The following KIRREL3 variants were observed in gnomAD, a reference collection of about 807,000 sequenced individuals.
The protein encoded by KIRREL3 is kin of IRRE-like protein 3.
In KIRREL3, 36 loss-of-function variants were observed where a neutral mutation model predicts 89.7. The observed-to-expected ratio is 0.40, with a 90% CI of 0.31 to 0.53. The LOEUF (loss-of-function observed/expected upper bound fraction) is 0.53. Ranked by LOEUF, KIRREL3 falls within the 20% of genes least tolerant of loss-of-function variation. KIRREL3 has a pLI of 0.49. For missense variants in KIRREL3, 864 were observed against 1,056.6 expected, an observed-to-expected ratio of 0.82 and a Z score of 2.53; for synonymous variants, 445 against 441.4, an observed-to-expected ratio of 1.01 and a Z score of -0.10.
At chr11:126,820,530 C>T (rs1264770538) in intron 1 of KIRREL3, among the ~76,000 whole-genome samples, 1 of 152,110 alleles carries the variant, frequency 6.6e-6, no homozygotes, top group Non-Finnish European at 1.5e-5. Context: ...AGAATACAAA[C>T]ACACGATAAG....
At position 126,495,136 on chromosome 11, in the gene KIRREL3, G is replaced by A. The variant is rs1358697021; in HGVS notation, c.434-21670C>T. ...CCAAGGTCTGTTGCTCGGACCCTGG[G>A]CTGTGCTGTGTGTGGGGAAGGACTA... On this transcript the variant is annotated intron_variant, in intron 4 of 16. Coordinates refer to ENST00000525144, the MANE Select transcript of KIRREL3 (RefSeq NM_032531.4). This position sits in a 1 kb window ranked among gnomAD's most constrained non-coding sequence, Gnocchi z 6.5. Among the ~76,000 whole-genome samples, 1 of 152,212 alleles carries A rather than the reference G, an allele frequency of 6.6e-6. No individual in the cohort carries two copies. The highest frequency in any genetic ancestry group is 1.5e-5 in the Non-Finnish European group (1 of 68,030).
At position 126,474,449 on chromosome 11, in the gene KIRREL3, G is replaced by T. The variant is rs935543453; in HGVS notation, c.434-983C>A. Among the ~76,000 whole-genome samples the T allele has an allele frequency of 6.6e-6, 1 of 152,196 alleles. No homozygotes were observed. The highest frequency in any genetic ancestry group is 1.5e-5 in the Non-Finnish European group (1 of 68,034). The stretch of plus-strand genomic sequence containing the variant: ...CCAGGGAACCTGGGAGCACCAGGCC[G>T]GCCCCTTCCCTGGCAGGGAGCAGGG... On this transcript the variant is annotated intron_variant, in intron 4 of 16. Transcript: ENST00000525144. The surrounding 1 kb of genome is among the most constrained non-coding windows in gnomAD (Gnocchi z 6.7).
chr11:126,985,141 G>A lies in KIRREL3; in HGVS notation c.55+15314C>T, dbSNP rs999702549. 6.6e-6 allele frequency among the ~76,000 whole-genome samples: 1 copy of A among 152,146 alleles called. No individual in the cohort carries two copies. The highest frequency in any genetic ancestry group is 1.5e-5 in the Non-Finnish European group (1 of 68,034). On this transcript the variant is annotated intron_variant, in intron 1 of 16. Coordinates refer to ENST00000525144, the MANE Select transcript of KIRREL3 (RefSeq NM_032531.4). This position sits in a 1 kb window ranked among gnomAD's most constrained non-coding sequence, Gnocchi z 5.3. ...GGACTCGGTGCTCATAGGTACTCGA[G>A]TTGTACAAGGCAATAATAATGATAA...
Position 126,732,492 on chromosome 11 carries a change from G to A in KIRREL3, c.56-169580C>T, listed in dbSNP as rs528841640. Among the ~76,000 whole-genome samples, 4 of 152,250 alleles carry A rather than the reference G, an allele frequency of 2.6e-5. No homozygotes were observed. In the South Asian group the frequency reaches 8.3e-4, roughly 32 times the overall value. ...CGCTCTCTGGTCAACTGGACTAGAT[G>A]ACGTTTTCTACTAAGCAAGTTAGGA... On this transcript the variant is annotated intron_variant, in intron 1 of 16. Coordinates refer to ENST00000525144, the MANE Select transcript of KIRREL3 (RefSeq NM_032531.4).
intron 1 of KIRREL3, among the ~76,000 whole-genome samples, chr11:126,862,586 A>G (rs762379759): frequency 1.3e-5 from 2 of 152,208 alleles, no homozygotes; most frequent in Non-Finnish European, 1.5e-5. Flanking sequence ...GGCAGTGAGA[A>G]GCCCTGATGA....
At chr11:126,451,351 C>T (rs530160009) in intron 7 of KIRREL3, among the ~76,000 whole-genome samples, 11 of 94,866 alleles carry the variant, frequency 1.2e-4, no homozygotes, top group Non-Finnish European at 1.9e-4. Flanking sequence ...CATGTGTGTG[C>T]GTATGTGAGT....
In KIRREL3 at chr11:126,838,893, T is replaced by C. The variant is rs28493026; in HGVS notation, c.55+161562A>G. ...AGCAAAGTCTCCAAACAAATTCCCT[T>C]CCTTTAAATCTTATGCTCACTTCAG... is the stretch of plus-strand genomic sequence containing the variant. On this transcript the variant is annotated intron_variant, in intron 1 of 16. Transcript: ENST00000525144. Among the ~76,000 whole-genome samples, 137 of 152,306 alleles carry C rather than the reference T, an allele frequency of 9.0e-4. 2 individuals are homozygous for C. Among genetic ancestry groups the C allele is most frequent in the African/African-American group, 3.0e-3 (125 of 41,576 alleles).
At position 126,879,790 on chromosome 11, in the gene KIRREL3, A is replaced by G. The variant is rs1164549069; in HGVS notation, c.55+120665T>C. ...TAGAGGAATGGTAAAGGACATCTCA[A>G]GGAGCTCAACTGGTCTTATGACCCT... On this transcript the variant is annotated intron_variant, in intron 1 of 16. Transcript: ENST00000525144. This position sits in a 1 kb window ranked among gnomAD's most constrained non-coding sequence, Gnocchi z 5.4. 6.6e-6 allele frequency among the ~76,000 whole-genome samples: 1 copy of G among 152,172 alleles called. No homozygotes were observed. The highest frequency in any genetic ancestry group is 1.5e-5 in the Non-Finnish European group (1 of 68,036).
intron 1 of KIRREL3, among the ~76,000 whole-genome samples, chr11:126,975,938 C>CCTTTCCTT (rs1555111870): frequency 1.9e-5 from 2 of 104,300 alleles, no homozygotes; most frequent in Non-Finnish European, 3.7e-5. Context: ...CTCCCTCCCT[C>CCTTTCCTT]CCTTCCTTCC....
rs1565603496 is a variant in KIRREL3, at chr11:126,627,818, G to C, written c.56-64906C>G. 1.3e-5 allele frequency among the ~76,000 whole-genome samples: 2 copies of C among 152,170 alleles called. No homozygotes were observed. Among genetic ancestry groups the C allele is most frequent in the Non-Finnish European group, 1.5e-5 (1 of 68,018 alleles). On this transcript the variant is annotated intron_variant, in intron 1 of 16. Transcript: ENST00000525144. This position sits in a 1 kb window ranked among gnomAD's most constrained non-coding sequence, Gnocchi z 5.0. ...GAGAACTCACAGGCCCCAGTGGAGG[G>C]CTTGGATCTGAGCACCATGAGCCTC...
rs1950831487 is a variant in KIRREL3, at chr11:126,796,956, G to A, written c.55+203499C>T. 2.6e-5 allele frequency among the ~76,000 whole-genome samples: 4 copies of A among 152,216 alleles called. No individual in the cohort carries two copies. ...TGTGAGCTAGCACAGAGCAGGAAGT[G>A]GGGAAGGGACCAGGGAGAATGTTTC... On this transcript the variant is annotated intron_variant, in intron 1 of 16. Coordinates refer to ENST00000525144, the MANE Select transcript of KIRREL3 (RefSeq NM_032531.4). This position sits in a 1 kb window ranked among gnomAD's most constrained non-coding sequence, Gnocchi z 5.1.
intron 1 of KIRREL3, among the ~76,000 whole-genome samples, chr11:126,949,377 T>A (rs370524399): frequency 4.6e-5 from 7 of 152,246 alleles, no homozygotes; most frequent in African/African-American, 1.7e-4. Context: ...TAAAGGGACT[T>A]TATGTGATTA....
In KIRREL3 at chr11:126,431,583, C is replaced by G. The variant is rs1004451078; in HGVS notation, c.1589-57G>C. ...GGATGGGGAATGGCCTACTATCCCC[C>G]CATGATCTCACCCCGTTCCTGCGGG... On this transcript the variant is annotated intron_variant, in intron 13 of 16. Transcript: ENST00000525144. The surrounding 1 kb of genome is among the most constrained non-coding windows in gnomAD (Gnocchi z 7.1). 2.0e-4 allele frequency: 303 copies of G among 1,540,490 alleles called. 1 individual carries two copies. Among genetic ancestry groups the G allele is most frequent in the Non-Finnish European group, 2.6e-4 (290 of 1,124,190 alleles).
Position 126,719,764 on chromosome 11 carries a change from T to C in KIRREL3, c.56-156852A>G, listed in dbSNP as rs925888206. Among the ~76,000 whole-genome samples the C allele has an allele frequency of 7.9e-5, 12 of 152,328 alleles. No individual in the cohort carries two copies. In the South Asian group the frequency reaches 1.7e-3, roughly 21 times the overall value. On this transcript the variant is annotated intron_variant, in intron 1 of 16. Transcript: ENST00000525144. The surrounding 1 kb of genome is among the most constrained non-coding windows in gnomAD (Gnocchi z 4.7). ...CTTTTATCCAGAAAATGACCACTTC[T>C]TACAACCTCTGCTGCCCCCACCCTG...
intron 4 of KIRREL3, among the ~76,000 whole-genome samples, chr11:126,505,631 A>G (rs1957994851): frequency 6.6e-6 from 1 of 152,238 alleles, no homozygotes; most frequent in Non-Finnish European, 1.5e-5. Flanking sequence ...AATTGTGTGT[A>G]TATATAGATA....
chr11:126,788,611 G>A lies in KIRREL3; in HGVS notation c.55+211844C>T, dbSNP rs1251197298. Among the ~76,000 whole-genome samples, 1 of 152,218 alleles carries A rather than the reference G, an allele frequency of 6.6e-6. No homozygotes were observed. The highest frequency in any genetic ancestry group is 1.5e-5 in the Non-Finnish European group (1 of 68,048). Reference sequence around the variant, plus strand: ...AAGGACCTATGTTCTGCCAGGCTGTGCTGCAGTTGCTATGTCTTGGGTTAA... The same window carrying A: ...AAGGACCTATGTTCTGCCAGGCTGTACTGCAGTTGCTATGTCTTGGGTTAA... On this transcript the variant is annotated intron_variant, in intron 1 of 16. Coordinates refer to ENST00000525144, the MANE Select transcript of KIRREL3 (RefSeq NM_032531.4). The surrounding 1 kb of genome is among the most constrained non-coding windows in gnomAD (Gnocchi z 4.1).
chr11:126,472,703 G>GAGAGAGAGAGAGAGAGAGA (rs1555116256), intron 5 of KIRREL3, among the ~76,000 whole-genome samples: 1 of 134,146 alleles, frequency 7.5e-6, no homozygotes, highest in Non-Finnish European at 1.6e-5. Flanking sequence ...AGGACATAGA[G>GAGAGAGAGAGAGAGAGAGA]GAGAGAGAGA....
chr11:126,450,892 C>T (rs536248335), intron 7 of KIRREL3, among the ~76,000 whole-genome samples: 114 of 106,562 alleles, frequency 1.1e-3, no homozygotes, highest in African/African-American at 4.2e-3. Context: ...TGTGCATGTG[C>T]GTGTGTGCAT....
At chr11:126,456,039 GTTTTTT>G (rs745805898) in intron 7 of KIRREL3, among the ~76,000 whole-genome samples, 2 of 68,312 alleles carry the variant, frequency 2.9e-5, no homozygotes, top group South Asian at 4.9e-4. Context: ...TTTTGTTTTC[GTTTTTT>G]TTTTTTTTTT....
Sources: gnomAD v4.1 joint callset for allele counts (sites outside exome capture counted in the v4.1 genomes callset) on GRCh38, gnomAD v4.1.1 for gene constraint, Gnocchi (gnomAD v3.1) non-coding constraint, MANE v1.5 for transcripts, NCBI Gene and HGNC (gene_info 2026-07-23, HGNC 2026-07-21) for gene names.